TTC23L: variants seen among roughly 807,000 people sequenced by gnomAD.
TTC23L encodes tetratricopeptide repeat domain 23 like, also known as tetratricopeptide repeat protein 23-like.
A neutral mutation model predicts 48.1 loss-of-function variants in TTC23L; 42 were observed. The ratio of observed to expected loss-of-function variants is 0.87; its 90% CI spans 0.68 to 1.13. The LOEUF is 1.13. Among genes scored for constraint, TTC23L ranks in the 50% most tolerant of loss-of-function variants. The probability of loss-of-function intolerance (pLI) is 0.00; values close to 1 mark genes in which losing one functional copy is unlikely to be tolerated. For synonymous variants in TTC23L, 159 were observed against 157.2 expected (o/e 1.01, Z -0.09); for missense variants, 391 against 421.0 (o/e 0.93, Z 0.62).
chr5:34,849,905 C>T (rs1759523316), intron 3 of TTC23L, among the ~76,000 whole-genome samples: 1 of 152,036 alleles, frequency 6.6e-6, no homozygotes, highest in Non-Finnish European at 1.5e-5. Flanking sequence ...CTGTGAGGGC[C>T]AGAGAGGAAG....
intron 9 of TTC23L, among the ~76,000 whole-genome samples, chr5:34,891,364 G>C (rs1228064853): frequency 6.6e-6 from 1 of 152,162 alleles, no homozygotes; most frequent in Non-Finnish European, 1.5e-5. Context: ...CTAACATCCA[G>C]ATCATAGTAA....
At chr5:34,840,847 G>C in intron 2 of TTC23L, 108 bp downstream of exon 2, 2 of 974,246 alleles carry the variant, frequency 2.1e-6, no homozygotes, top group South Asian at 2.7e-5. Context: ...AAGCGTTCAC[G>C]ACCAGCCTGA....
chr5:34,912,606 A>G, the TTC23L span, among the ~76,000 whole-genome samples: 4 of 152,198 alleles, frequency 2.6e-5, no homozygotes, highest in Admixed American at 6.5e-5. Flanking sequence ...ATGAAATAAA[A>G]TCATTCTTCT....
At chr5:34,886,214 T>G (rs1359340606) in intron 9 of TTC23L, among the ~76,000 whole-genome samples, 4 of 152,122 alleles carry the variant, frequency 2.6e-5, no homozygotes, top group African/African-American at 4.8e-5. Context: ...AATTACAAGC[T>G]TGGAACTTTA....
At chr5:34,880,527 T>G in intron 9 of TTC23L, 1 of 526,878 alleles carries the variant, frequency 1.9e-6, no homozygotes, top group Non-Finnish European at 3.3e-6. Context: ...CCGACAAGAT[T>G]TAGTTTGTAC....
the TTC23L span, chr5:34,913,696 T>G: frequency 1.6e-6 from 1 of 636,412 alleles, no homozygotes. Flanking sequence ...CCCATGAGAA[T>G]AATTTCTGAT....
At chr5:34,915,456 A>C in the TTC23L span, 3 of 353,704 alleles carry the variant, frequency 8.5e-6, no homozygotes, top group Non-Finnish European at 1.6e-5. Context: ...CCTTCTCAGC[A>C]AAGTCCCTGA....
At chr5:34,924,175 C>T in the TTC23L span, among the ~76,000 whole-genome samples, 1 of 152,142 alleles carries the variant, frequency 6.6e-6, no homozygotes, top group Non-Finnish European at 1.5e-5. Flanking sequence ...AATCTTGAAG[C>T]AGGAGTTTGG....
At chr5:34,911,720 T>C in the TTC23L span, 1 of 1,614,160 alleles carries the variant, frequency 6.2e-7, no homozygotes, top group Admixed American at 1.7e-5. Flanking sequence ...TGTGTATTGA[T>C]TTTGCAGACT....
intron 4 of TTC23L, among the ~76,000 whole-genome samples, chr5:34,855,886 G>A (rs1227482811): frequency 6.6e-6 from 1 of 152,174 alleles, no homozygotes; most frequent in Non-Finnish European, 1.5e-5. Flanking sequence ...CTTAGAGGGT[G>A]GTTGGGGACA....
intron 9 of TTC23L, 48 bp from the exon 10 acceptor site, chr5:34,896,722 T>C (rs772322144): frequency 1.7e-5 from 13 of 762,416 alleles, no homozygotes; most frequent in East Asian, 1.2e-4. Context: ...TCTATGAGAA[T>C]TGGAAAACAC....
the TTC23L span, chr5:34,907,779 A>T: frequency 4.6e-5 from 7 of 152,234 alleles, no homozygotes; most frequent in African/African-American, 1.7e-4. Flanking sequence ...AATAAATCAC[A>T]TAAAGAATTG....
the TTC23L span, chr5:34,921,891 G>A: frequency 6.8e-6 from 1 of 146,910 alleles, no homozygotes; most frequent in Non-Finnish European, 1.4e-5. Flanking sequence ...TGGGCAACAA[G>A]AGCGAAACTG....
chr5:34,922,893 TCA>T, the TTC23L span: 2 of 1,218,268 alleles, frequency 1.6e-6, no homozygotes, highest in Non-Finnish European at 2.4e-6. Context: ...ATCAATTCTT[TCA>T]GGTACATTTA....
chr5:34,893,821 A>C (rs1303461231), intron 9 of TTC23L, among the ~76,000 whole-genome samples: 2 of 152,152 alleles, frequency 1.3e-5, no homozygotes, highest in Non-Finnish European at 2.9e-5. Flanking sequence ...TCAGAGGACA[A>C]AGTTTCAATG....
chr5:34,839,676 C>G (rs1335954313), intron 1 of TTC23L: 2 of 984,866 alleles, frequency 2.0e-6, no homozygotes, highest in Non-Finnish European at 2.4e-6. Flanking sequence ...ACTCAGGGCT[C>G]GGTGGGAATT....
chr5:34,864,558 G>C (rs1358563841), exon 6 of TTC23L: 2 of 1,612,280 alleles, frequency 1.2e-6, no homozygotes, highest in Admixed American at 3.3e-5. Flanking sequence ...ACTTGCTTTG[G>C]GCAGGTAAGA....
chr5:34,855,486 A>T (rs1760049189), intron 4 of TTC23L, among the ~76,000 whole-genome samples: 1 of 152,198 alleles, frequency 6.6e-6, no homozygotes, highest in Non-Finnish European at 1.5e-5. Flanking sequence ...GTGAGAAGGT[A>T]AGGATTCAAG....
intron 9 of TTC23L, among the ~76,000 whole-genome samples, chr5:34,885,367 T>C (rs1282154626): frequency 2.0e-5 from 3 of 152,184 alleles, no homozygotes; most frequent in African/African-American, 2.4e-5. Context: ...CGCTGTTGTA[T>C]TGATGTAAGA....
Sources: allele counts gnomAD v4.1 joint callset (sites outside exome capture counted in the v4.1 genomes callset), GRCh38; gene constraint gnomAD v4.1.1; transcripts MANE v1.5; gene names NCBI Gene and HGNC (gene_info 2026-07-23, HGNC 2026-07-21).